Variants in SPOCK1 observed in about 807,000 individuals in gnomAD.
SPOCK1 encodes testican-1.
SPOCK1 carries 23 observed loss-of-function variants against 55.3 expected under a neutral mutation model. The observed-to-expected ratio is 0.42, with a 90% CI of 0.30 to 0.59. The LOEUF (loss-of-function observed/expected upper bound fraction) is 0.59. Among genes scored for constraint, SPOCK1 ranks in the 20% least tolerant of loss-of-function variants. SPOCK1 has a pLI of 0.22. For synonymous variants in SPOCK1, 226 were observed against 221.0 expected, an observed-to-expected ratio of 1.02 and a Z score of -0.20; for missense variants, 499 against 552.5, an observed-to-expected ratio of 0.90 and a Z score of 0.97.
chr5:137,423,874 T>C (rs1752553759), intron 2 of SPOCK1, among the ~76,000 whole-genome samples: 1 of 152,236 alleles, frequency 6.6e-6, no homozygotes, highest in Non-Finnish European at 1.5e-5. Context: ...TCTGCGTCGC[T>C]CACACTGGGA....
intron 2 of SPOCK1, among the ~76,000 whole-genome samples, chr5:137,379,901 C>A (rs1233506426): frequency 6.6e-6 from 1 of 152,182 alleles, no homozygotes; most frequent in Non-Finnish European, 1.5e-5. Context: ...TTCATGAGCC[C>A]CCGTGGTGAT....
chr5:137,402,816 A>C (rs1215989378), intron 2 of SPOCK1, among the ~76,000 whole-genome samples: 1 of 152,220 alleles, frequency 6.6e-6, no homozygotes, highest in East Asian at 1.9e-4. Context: ...ATAATTATGG[A>C]TCCTACACAG....
intron 2 of SPOCK1, among the ~76,000 whole-genome samples, chr5:137,486,435 C>T (rs948461793): frequency 6.6e-6 from 1 of 152,232 alleles, no homozygotes; most frequent in Non-Finnish European, 1.5e-5. Context: ...CCCTGACCTC[C>T]AAGCACCTCT....
chr5:137,381,986 T>A (rs1751481272), intron 2 of SPOCK1, among the ~76,000 whole-genome samples: 1 of 152,194 alleles, frequency 6.6e-6, no homozygotes, highest in African/African-American at 2.4e-5. Context: ...TAGTTCCAGT[T>A]TCAGATAATC....
intron 3 of SPOCK1, among the ~76,000 whole-genome samples, chr5:137,234,797 C>T (rs1369542784): frequency 6.6e-6 from 1 of 152,182 alleles, no homozygotes; most frequent in African/African-American, 2.4e-5. Flanking sequence ...TGTTCACCAA[C>T]TGATCGAAGT....
intron 3 of SPOCK1, among the ~76,000 whole-genome samples, chr5:137,197,451 A>G (rs565818979): frequency 6.6e-6 from 1 of 152,288 alleles, no homozygotes; most frequent in East Asian, 1.9e-4. Flanking sequence ...CAGTTTTCCC[A>G]TGCACAACAA....
chr5:137,487,393 A>C (rs1754082435), intron 2 of SPOCK1, among the ~76,000 whole-genome samples: 1 of 152,068 alleles, frequency 6.6e-6, no homozygotes, highest in Non-Finnish European at 1.5e-5. Context: ...TACACCAAAA[A>C]GAGAGTATCA....
At chr5:137,062,918 G>T (rs992564057) in intron 6 of SPOCK1, among the ~76,000 whole-genome samples, 3 of 152,210 alleles carry the variant, frequency 2.0e-5, no homozygotes, top group African/African-American at 7.2e-5. Flanking sequence ...GCCCTTGTCA[G>T]GAGGTAATTT....
chr5:137,016,896 A>T (rs1360791935), intron 6 of SPOCK1, among the ~76,000 whole-genome samples: 1 of 152,246 alleles, frequency 6.6e-6, no homozygotes, highest in Non-Finnish European at 1.5e-5. Context: ...TGGGGAGTAA[A>T]GGAGAAACCA....
At chr5:137,442,063 C>T (rs933702281) in intron 2 of SPOCK1, among the ~76,000 whole-genome samples, 6 of 152,172 alleles carry the variant, frequency 3.9e-5, no homozygotes, top group Non-Finnish European at 8.8e-5. Flanking sequence ...CAGTGACAGG[C>T]CTGGAGTGTT....
intron 3 of SPOCK1, among the ~76,000 whole-genome samples, chr5:137,142,080 T>C (rs1754109306): frequency 6.6e-6 from 1 of 152,160 alleles, no homozygotes; most frequent in South Asian, 2.1e-4. Context: ...AAGCAGTAAA[T>C]CTTTCATAAC....
Position 137,002,378 on chromosome 5 carries a change from AT to A in SPOCK1, c.590-9779del, listed in dbSNP as rs750622266. Among the ~76,000 whole-genome samples the A allele has an allele frequency of 8.6e-3, 1,286 of 148,754 alleles. 10 individuals carry two copies. The highest frequency in any genetic ancestry group is 0.014 in the Non-Finnish European group (930 of 67,166). ...AATGTGCATTAGTGGAGTAACGCTT[AT>A]TTTTTTTTTCTCCCTGAATAATCTA... On this transcript the variant is annotated intron_variant, in intron 6 of 10. Coordinates refer to ENST00000394945, the MANE Select transcript of SPOCK1 (RefSeq NM_004598.4).
At position 137,499,285 on chromosome 5, in the gene SPOCK1, C is replaced by G. The variant is rs909037680; in HGVS notation, c.-107G>C. The G allele has an allele frequency of 2.6e-5, 4 of 151,834 alleles. No homozygotes were observed. Among genetic ancestry groups the G allele is most frequent in the African/African-American group, 9.7e-5 (4 of 41,396 alleles). The allele number at this position is 151,834 out of a possible 1,614,324, so 9.4% of individuals were successfully genotyped here. A position where few individuals can be genotyped will look rare whatever the true frequency, so the allele number is the denominator to read the frequency against. ...GCGCCCCTGCGCTCCTGCCACACGC[C>G]GCCGCCGAGCGTCTGGCCGCTTTGT... is the stretch of plus-strand genomic sequence containing the variant. On this transcript the variant is annotated 5_prime_UTR_variant, in exon 1 of 11. Transcript: ENST00000394945.
chr5:137,023,306 G>GC (rs1751608816), intron 6 of SPOCK1, among the ~76,000 whole-genome samples: 1 of 152,116 alleles, frequency 6.6e-6, no homozygotes, highest in Non-Finnish European at 1.5e-5. Context: ...GACTTATTTT[G>GC]GTAATGTGAA....
rs1243344851 is a variant in SPOCK1 at position 137,498,320 on chromosome 5, G to A, written c.186+53C>T. ...CACACACCCCAACCCCGCTTCAGGG[G>A]TCCCCTCCGAGAGGCTCCGCGCCCC... is the stretch of plus-strand genomic sequence containing the variant. On this transcript the variant is annotated intron_variant, in intron 2 of 10. Transcript: ENST00000394945. The A allele has an allele frequency of 5.4e-6, 8 of 1,482,988 alleles. No homozygotes were observed. The South Asian group carries it at 1.0e-4, about 19-fold the overall frequency. 91.9% of individuals were successfully genotyped at this position (1,482,988 alleles called of 1,614,324 possible).
At chr5:137,107,046 C>A (rs770254223) in intron 5 of SPOCK1, among the ~76,000 whole-genome samples, 18 of 152,152 alleles carry the variant, frequency 1.2e-4, no homozygotes, top group Non-Finnish European at 2.4e-4. Context: ...ACCATCGCTT[C>A]CCCAAGAAGA....
In SPOCK1 at chr5:137,498,553, C is replaced by T. The variant is rs748424133; in HGVS notation, c.6G>A (p.Pro2=). The T allele has an allele frequency of 5.1e-5, 77 of 1,517,094 alleles. No individual in the cohort carries two copies. Among genetic ancestry groups the T allele is most frequent in the Non-Finnish European group, 6.8e-5 (77 of 1,139,144 alleles). 94.0% of individuals were successfully genotyped at this position (1,517,094 alleles called of 1,614,324 possible). Reference sequence around the variant, plus strand: ...CGGCCGCCGCCAACACCGCGATCGCCGGCATCTGCGGGGCAGGGCGCGCAG... The same window carrying T: ...CGGCCGCCGCCAACACCGCGATCGCTGGCATCTGCGGGGCAGGGCGCGCAG... The part of the protein sequence containing the change: M[P]AIAVLAAAAA... Residue 2 remains proline (P), a synonymous_variant, in exon 2 of 11, where the codon CCG becomes CCA. Coordinates refer to ENST00000394945, the MANE Select transcript of SPOCK1 (RefSeq NM_004598.4).
At chr5:137,342,550 T>A (rs756280952) in intron 2 of SPOCK1, among the ~76,000 whole-genome samples, 6 of 152,228 alleles carry the variant, frequency 3.9e-5, no homozygotes, top group African/African-American at 7.2e-5. Context: ...ATAAAGTCGA[T>A]TTCCACTAGA....
At chr5:137,420,739 A>G (rs1184560111) in intron 2 of SPOCK1, among the ~76,000 whole-genome samples, 1 of 152,080 alleles carries the variant, frequency 6.6e-6, no homozygotes, top group Non-Finnish European at 1.5e-5. Context: ...GATCTTTTCA[A>G]AAAACCAGCT....
Sources: allele counts gnomAD v4.1 joint callset (sites outside exome capture counted in the v4.1 genomes callset), GRCh38; gene constraint gnomAD v4.1.1; transcripts MANE v1.5; gene names NCBI Gene and HGNC (gene_info 2026-07-23, HGNC 2026-07-21).